TMEM74: variants seen among roughly 807,000 people sequenced by gnomAD.
TMEM74 encodes transmembrane protein 74.
A neutral mutation model predicts 18.1 loss-of-function variants in TMEM74; 13 were observed. The observed-to-expected ratio is 0.72, with a 90% CI of 0.47 to 1.14. The LOEUF (loss-of-function observed/expected upper bound fraction) is 1.14. Ranked by LOEUF, TMEM74 falls within the 50% of genes most tolerant of loss-of-function variation. The pLI is 0.00. For synonymous variants in TMEM74, 159 were observed against 146.6 expected (o/e 1.08, Z -0.61); for missense variants, 372 against 375.9 (o/e 0.99, Z 0.09).
chr8:108,710,944 G>C (rs564878038), intron 1 of TMEM74, among the ~76,000 whole-genome samples: 57 of 152,142 alleles, frequency 3.7e-4, no homozygotes, highest in Non-Finnish European at 6.8e-4. Flanking sequence ...GATAACAAGC[G>C]GAGTTATATG....
At chr8:108,628,372 C>T (rs1812517320) in intron 2 of TMEM74, among the ~76,000 whole-genome samples, 1 of 152,014 alleles carries the variant, frequency 6.6e-6, no homozygotes, top group Non-Finnish European at 1.5e-5. Context: ...CTGCAGACAC[C>T]AACTAAGTGT....
At position 108,723,644 on chromosome 8, in the gene TMEM74, G is replaced by A. The variant is rs906513662; in HGVS notation, n.119+63832C>T. On this transcript the variant is annotated intron_variant and non_coding_transcript_variant, in intron 1 of 3. Coordinates refer to the TMEM74 transcript ENST00000518838. ...GAAGGGAGTTACAATTAACTTCAATGCTCTGAATAGCCTACAGAAGCCCTA... is the reference window on the plus strand; with the variant it reads ...GAAGGGAGTTACAATTAACTTCAATACTCTGAATAGCCTACAGAAGCCCTA... 6.6e-5 allele frequency among the ~76,000 whole-genome samples: 10 copies of A among 152,208 alleles called. No individual in the cohort carries two copies. The South Asian group carries it at 2.1e-3, about 32-fold the overall frequency.
chr8:108,688,163 G>T (rs1471135841), intron 1 of TMEM74, among the ~76,000 whole-genome samples: 2 of 152,182 alleles, frequency 1.3e-5, no homozygotes, highest in Non-Finnish European at 2.9e-5. Flanking sequence ...ATGCTGACTG[G>T]TATGCAAACT....
intron 1 of TMEM74, among the ~76,000 whole-genome samples, chr8:108,673,337 A>C (rs1813021754): frequency 6.6e-6 from 1 of 152,180 alleles, no homozygotes; most frequent in South Asian, 2.1e-4. Flanking sequence ...TACTGGAAAT[A>C]CTAGTTTCGG....
chr8:108,716,083 A>G (rs1813520957), intron 1 of TMEM74, among the ~76,000 whole-genome samples: 1 of 152,146 alleles, frequency 6.6e-6, no homozygotes, highest in South Asian at 2.1e-4. Context: ...CACATTCTAC[A>G]AGGTAAATTT....
At chr8:108,763,799 A>T (rs1219707220) in intron 1 of TMEM74, among the ~76,000 whole-genome samples, 1 of 152,202 alleles carries the variant, frequency 6.6e-6, no homozygotes, top group Non-Finnish European at 1.5e-5. Context: ...GTTATTCCTC[A>T]GCCTGGTATA....
At chr8:108,773,654 C>T (rs568707834) in intron 1 of TMEM74, among the ~76,000 whole-genome samples, 5 of 152,250 alleles carry the variant, frequency 3.3e-5, no homozygotes, top group African/African-American at 1.2e-4. Flanking sequence ...TCTTGGGTCC[C>T]TCTCCTCAGG....
At chr8:108,757,005 A>G (rs1813983106) in intron 1 of TMEM74, among the ~76,000 whole-genome samples, 1 of 152,064 alleles carries the variant, frequency 6.6e-6, no homozygotes, top group Non-Finnish European at 1.5e-5. Flanking sequence ...TTCTCAATAG[A>G]CATCTTCACT....
At chr8:108,698,221 ACAAT>A (rs1423941102) in intron 1 of TMEM74, among the ~76,000 whole-genome samples, 1 of 152,240 alleles carries the variant, frequency 6.6e-6, no homozygotes, top group Admixed American at 6.5e-5. Context: ...ATAAGGTCAC[ACAAT>A]CAAGATTAAA....
At chr8:108,672,594 T>A (rs1437986261) in intron 1 of TMEM74, among the ~76,000 whole-genome samples, 1 of 152,202 alleles carries the variant, frequency 6.6e-6, no homozygotes, top group Admixed American at 6.5e-5. Flanking sequence ...TTGTTCTGTG[T>A]GAAACTCACT....
intron 1 of TMEM74, among the ~76,000 whole-genome samples, chr8:108,752,549 C>T (rs75382869): frequency 2.0e-3 from 308 of 152,238 alleles, no homozygotes; most frequent in Admixed American, 5.6e-3. Flanking sequence ...ACAAGTTAAT[C>T]TCAACATGTT....
At chr8:108,688,468 C>T (rs190840955) in intron 1 of TMEM74, among the ~76,000 whole-genome samples, 1 of 152,262 alleles carries the variant, frequency 6.6e-6, no homozygotes, top group East Asian at 1.9e-4. Flanking sequence ...GGCTTCCAGT[C>T]TCAGCCCCAT....
At chr8:108,693,209 A>C (rs531645853) in intron 1 of TMEM74, among the ~76,000 whole-genome samples, 1 of 152,318 alleles carries the variant, frequency 6.6e-6, no homozygotes, top group African/African-American at 2.4e-5. Context: ...TAGTGAAGGG[A>C]GATAGGGTCA....
chr8:108,743,583 A>G (rs1415087785), intron 1 of TMEM74, among the ~76,000 whole-genome samples: 1 of 152,128 alleles, frequency 6.6e-6, no homozygotes, highest in East Asian at 1.9e-4. Context: ...AAAAATATAT[A>G]GCTTTCTTGT....
At chr8:108,628,371 C>T (rs1164196317) in intron 2 of TMEM74, among the ~76,000 whole-genome samples, 1 of 152,046 alleles carries the variant, frequency 6.6e-6, no homozygotes, top group Non-Finnish European at 1.5e-5. Flanking sequence ...TCTGCAGACA[C>T]CAACTAAGTG....
At chr8:108,678,529 TA>T (rs1397187573) in intron 1 of TMEM74, among the ~76,000 whole-genome samples, 1 of 137,482 alleles carries the variant, frequency 7.3e-6, no homozygotes, top group African/African-American at 2.8e-5. Context: ...TGCACCCAGC[TA>T]TTTTTTTTTT....
intron 1 of TMEM74, among the ~76,000 whole-genome samples, chr8:108,756,111 A>G (rs1813956849): frequency 1.3e-5 from 2 of 152,068 alleles, no homozygotes; most frequent in South Asian, 2.1e-4. Flanking sequence ...CTGAACTTTC[A>G]TAGTTATTTA....
chr8:108,649,739 G>A (rs1330594647), intron 2 of TMEM74, among the ~76,000 whole-genome samples: 1 of 152,120 alleles, frequency 6.6e-6, no homozygotes, highest in Non-Finnish European at 1.5e-5. Context: ...TAAGTTTGTG[G>A]TAGTTTTAGT....
intron 2 of TMEM74, among the ~76,000 whole-genome samples, chr8:108,628,709 C>T (rs934072443): frequency 5.3e-5 from 8 of 152,070 alleles, no homozygotes; most frequent in East Asian, 1.9e-4. Context: ...AATTGCCACA[C>T]TGTCTGCCAT....
Sources: gnomAD v4.1 joint callset for allele counts (sites outside exome capture counted in the v4.1 genomes callset) on GRCh38, gnomAD v4.1.1 for gene constraint, MANE v1.5 for transcripts, NCBI Gene and HGNC (gene_info 2026-07-23, HGNC 2026-07-21) for gene names.